Variants in KCNT2 observed in about 807,000 individuals in gnomAD.
KCNT2 encodes potassium sodium-activated channel subfamily T member 2.
Under a neutral mutation model 153.8 loss-of-function variants are expected in KCNT2, and 67 were observed. That is an observed-to-expected ratio of 0.44 (90% CI 0.36 to 0.53). The LOEUF (loss-of-function observed/expected upper bound fraction) is 0.53, where lower values mean the gene tolerates loss of function less well. KCNT2 is among the 20% of genes least tolerant of loss of function. KCNT2 has a pLI of 0.00. For missense variants in KCNT2, 975 were observed against 1,354.8 expected (o/e 0.72, Z 4.40); for synonymous variants, 500 against 458.8 (o/e 1.09, Z -1.15).
intron 19 of KCNT2, among the ~76,000 whole-genome samples, chr1:196,322,992 T>C (rs1005918690): frequency 6.6e-6 from 1 of 151,926 alleles, no homozygotes; most frequent in Non-Finnish European, 1.5e-5. Flanking sequence ...GAATCAGATA[T>C]TGCACTAGGA....
Position 196,513,948 on chromosome 1 carries a change from A to T in KCNT2, c.96-21607T>A, listed in dbSNP as rs1351638744. ...CTCTTAGAGCAAAGTAGAAGCCTCT[A>T]CGCTTAGTGCTTTGCAAGAATAATG... On this transcript the variant is annotated intron_variant, in intron 1 of 27. Transcript: ENST00000294725. Among the ~76,000 whole-genome samples the T allele has an allele frequency of 3.9e-5, 6 of 152,206 alleles. No homozygotes were observed. The East Asian group carries it at 9.6e-4, about 24-fold the overall frequency.
intron 14 of KCNT2, 72 bp from the exon 15 acceptor site, chr1:196,342,300 T>C: frequency 8.8e-6 from 12 of 1,359,360 alleles, no homozygotes; most frequent in East Asian, 2.4e-5. Context: ...AAAACAGTTG[T>C]TATAGAACTG....
chr1:196,605,773 A>G (rs1450725628), intron 1 of KCNT2, among the ~76,000 whole-genome samples: 2 of 152,204 alleles, frequency 1.3e-5, no homozygotes, highest in Non-Finnish European at 2.9e-5. Flanking sequence ...ATATTAGCTT[A>G]GGAGTCTGAA....
intron 25 of KCNT2, 147 bp downstream of exon 25, chr1:196,280,713 A>T (rs1659013247): frequency 1.4e-6 from 1 of 714,680 alleles, no homozygotes; most frequent in African/African-American, 1.8e-5. Context: ...TTGAAAAAAA[A>T]TTTGGTTCTG....
intron 5 of KCNT2, among the ~76,000 whole-genome samples, chr1:196,476,328 A>C (rs1412529716): frequency 6.6e-6 from 1 of 152,178 alleles, no homozygotes; most frequent in Non-Finnish European, 1.5e-5. Context: ...ATATGTATGC[A>C]TGTATATTAA....
chr1:196,438,036 C>A (rs868471946), intron 8 of KCNT2, among the ~76,000 whole-genome samples: 21 of 151,476 alleles, frequency 1.4e-4, no homozygotes, highest in Admixed American at 5.3e-4. Context: ...ACTTCATGCT[C>A]CTCAAATGAA....
intron 1 of KCNT2, among the ~76,000 whole-genome samples, chr1:196,502,547 C>T: frequency 6.6e-6 from 1 of 152,200 alleles, no homozygotes; most frequent in East Asian, 1.9e-4. Flanking sequence ...TAAATAACAA[C>T]TATCAATTTC....
chr1:196,489,287 A>G (rs1315068865), intron 3 of KCNT2, among the ~76,000 whole-genome samples: 1 of 151,980 alleles, frequency 6.6e-6, no homozygotes, highest in Non-Finnish European at 1.5e-5. Context: ...ACTTTGTGCC[A>G]GGCTCTGGGG....
chr1:196,318,332 G>A (rs1662939159), intron 20 of KCNT2, among the ~76,000 whole-genome samples: 1 of 151,658 alleles, frequency 6.6e-6, no homozygotes, highest in Non-Finnish European at 1.5e-5. Context: ...ATTGTTAGAT[G>A]AACATAACTG....
At chr1:196,399,991 A>G (rs1357424460) in intron 12 of KCNT2, among the ~76,000 whole-genome samples, 1 of 151,786 alleles carries the variant, frequency 6.6e-6, no homozygotes, top group Non-Finnish European at 1.5e-5. Context: ...TAATCCACCC[A>G]GTCTATGCTA....
At chr1:196,416,374 G>A (rs151023039) in intron 12 of KCNT2, among the ~76,000 whole-genome samples, 29 of 152,124 alleles carry the variant, frequency 1.9e-4, no homozygotes, top group African/African-American at 6.3e-4. Context: ...TAGTAAGACC[G>A]AATACTCTAT....
chr1:196,464,858 C>G (rs1040943622), intron 8 of KCNT2, among the ~76,000 whole-genome samples: 4 of 152,004 alleles, frequency 2.6e-5, no homozygotes, highest in African/African-American at 7.2e-5. Context: ...TTCTGCCTGA[C>G]TGCACACTAA....
chr1:196,455,743 G>T (rs1676609708), intron 8 of KCNT2, among the ~76,000 whole-genome samples: 3 of 151,666 alleles, frequency 2.0e-5, no homozygotes, highest in Admixed American at 6.6e-5. Flanking sequence ...TCTTTTATCT[G>T]CTTGTTGAGC....
intron 25 of KCNT2, among the ~76,000 whole-genome samples, chr1:196,280,287 TC>T (rs1380452603): frequency 3.3e-5 from 5 of 152,172 alleles, no homozygotes; most frequent in African/African-American, 1.2e-4. Context: ...CCAGAGATTC[TC>T]CTTCCATACT....
intron 13 of KCNT2, among the ~76,000 whole-genome samples, chr1:196,388,301 C>G (rs556853297): frequency 4.0e-5 from 6 of 151,616 alleles, no homozygotes; most frequent in Non-Finnish European, 7.4e-5. Flanking sequence ...GTCTTTAATA[C>G]TTTAGTATTA....
At chr1:196,311,634 T>A (rs60040626) in intron 21 of KCNT2, among the ~76,000 whole-genome samples, 11 of 151,744 alleles carry the variant, frequency 7.2e-5, no homozygotes, top group Admixed American at 3.9e-4. Flanking sequence ...CATTCTGCCC[T>A]AAACATTATA....
At chr1:196,288,394 A>C (rs1659877497) in intron 22 of KCNT2, among the ~76,000 whole-genome samples, 1 of 152,076 alleles carries the variant, frequency 6.6e-6, no homozygotes, top group Non-Finnish European at 1.5e-5. Flanking sequence ...CTTTGAAACC[A>C]TGTTAAGTAT....
At chr1:196,404,416 T>C (rs1481031597) in intron 12 of KCNT2, among the ~76,000 whole-genome samples, 1 of 151,694 alleles carries the variant, frequency 6.6e-6, no homozygotes, top group African/African-American at 2.4e-5. Context: ...GGCATCAAAT[T>C]CAAACTTCTT....
At chr1:196,565,686 G>C (rs1660024545) in intron 1 of KCNT2, among the ~76,000 whole-genome samples, 2 of 151,214 alleles carry the variant, frequency 1.3e-5, no homozygotes, top group Non-Finnish European at 3.0e-5. Flanking sequence ...TGAACCTAGA[G>C]GACATGATGT....
Sources: allele counts gnomAD v4.1 joint callset (sites outside exome capture counted in the v4.1 genomes callset), GRCh38; gene constraint gnomAD v4.1.1; transcripts MANE v1.5; gene names NCBI Gene and HGNC (gene_info 2026-07-23, HGNC 2026-07-21).